Variants in NELL1 observed in about 807,000 individuals in gnomAD.
The protein encoded by NELL1 is neural EGFL like 1, also known as protein kinase C-binding protein NELL1.
NELL1 carries 76 observed loss-of-function variants against 107.4 expected under a neutral mutation model. The ratio of observed to expected loss-of-function variants is 0.71; its 90% CI spans 0.59 to 0.86. The LOEUF is 0.86. NELL1 is among the 40% of genes least tolerant of loss of function. The pLI is 0.00. For missense variants in NELL1, 1,024 were observed against 1,005.5 expected (o/e 1.02, Z -0.25); for synonymous variants, 353 against 341.2 (o/e 1.03, Z -0.38).
At chr11:21,282,372 G>A (rs115847346) in intron 14 of NELL1, among the ~76,000 whole-genome samples, 2,533 of 150,608 alleles carry the variant, frequency 0.017, 82 homozygotes, top group African/African-American at 0.059. Context: ...TAGAAACAGC[G>A]TTTAGGCTGA....
At chr11:21,343,539 C>A (rs1850621357) in intron 14 of NELL1, among the ~76,000 whole-genome samples, 1 of 152,146 alleles carries the variant, frequency 6.6e-6, no homozygotes, top group Admixed American at 6.5e-5. Context: ...GCCTTCAAAT[C>A]ATCCATTAGT....
intron 16 of NELL1, among the ~76,000 whole-genome samples, chr11:21,554,838 A>G (rs554741473): frequency 5.3e-5 from 8 of 151,924 alleles, no homozygotes; most frequent in South Asian, 2.1e-4. Context: ...ACTTGTCCCT[A>G]TGGGGCTGGA....
chr11:21,480,123 A>G (rs548702310), intron 15 of NELL1, among the ~76,000 whole-genome samples: 3 of 152,248 alleles, frequency 2.0e-5, no homozygotes, highest in Non-Finnish European at 2.9e-5. Flanking sequence ...GTGTCTCTCA[A>G]ATTTAACTAG....
chr11:20,998,463 A>C (rs1306221251), intron 12 of NELL1, among the ~76,000 whole-genome samples: 1 of 152,082 alleles, frequency 6.6e-6, no homozygotes, highest in Non-Finnish European at 1.5e-5. Context: ...CTTAGTTTAC[A>C]ATTTTTTTTT....
chr11:20,796,969 G>A (rs1437800691), intron 3 of NELL1, among the ~76,000 whole-genome samples: 1 of 152,192 alleles, frequency 6.6e-6, no homozygotes. Flanking sequence ...GGTGAGAGAT[G>A]AGGGATGACA....
intron 3 of NELL1, among the ~76,000 whole-genome samples, chr11:20,843,073 C>T (rs191345320): frequency 1.1e-4 from 16 of 152,110 alleles, no homozygotes; most frequent in African/African-American, 3.6e-4. Flanking sequence ...TAGGATTTTC[C>T]AGGATTTGTG....
intron 12 of NELL1, among the ~76,000 whole-genome samples, chr11:21,095,660 G>C (rs1238660130): frequency 1.3e-5 from 2 of 151,830 alleles, no homozygotes; most frequent in Admixed American, 1.3e-4. Context: ...GCCCAGGCTG[G>C]AGTGCAATGG....
intron 17 of NELL1, among the ~76,000 whole-genome samples, chr11:21,560,638 A>T (rs1856826324): frequency 6.6e-6 from 1 of 152,194 alleles, no homozygotes; most frequent in Admixed American, 6.6e-5. Context: ...TAGAAAAGCC[A>T]ATGATAGTCC....
intron 15 of NELL1, among the ~76,000 whole-genome samples, chr11:21,485,575 C>A (rs553042254): frequency 6.6e-6 from 1 of 151,352 alleles, no homozygotes; most frequent in Non-Finnish European, 1.5e-5. Context: ...CCTCTGCTTG[C>A]GAGCTGCTGT....
At chr11:21,099,549 G>T (rs1156996647) in intron 12 of NELL1, among the ~76,000 whole-genome samples, 2 of 152,132 alleles carry the variant, frequency 1.3e-5, no homozygotes, top group East Asian at 3.9e-4. Context: ...CCAGTAACCT[G>T]TCAAGAATGG....
chr11:21,515,101 T>G (rs7938616), intron 15 of NELL1, among the ~76,000 whole-genome samples: 107,049 of 152,118 alleles, frequency 0.7, 37,832 homozygotes, highest in South Asian at 0.77. Context: ...TGACACAAAG[T>G]ACTTAATAAT....
intron 12 of NELL1, among the ~76,000 whole-genome samples, chr11:21,049,131 C>A (rs1014340841): frequency 2.0e-5 from 3 of 152,134 alleles, no homozygotes; most frequent in Non-Finnish European, 4.4e-5. Flanking sequence ...ATCAACCTGG[C>A]AGACGCTAGT....
intron 15 of NELL1, among the ~76,000 whole-genome samples, chr11:21,386,692 C>A (rs1851754362): frequency 6.6e-6 from 1 of 151,904 alleles, no homozygotes; most frequent in Non-Finnish European, 1.5e-5. Flanking sequence ...GCAAGGCTGA[C>A]ATTTTTCCAG....
chr11:21,394,462 G>A (rs11026064), intron 15 of NELL1, among the ~76,000 whole-genome samples: 44,521 of 151,236 alleles, frequency 0.29, 6,897 homozygotes, highest in Non-Finnish European at 0.34. Context: ...CCGTGTGTGT[G>A]TGTGTTCCAT....
At chr11:21,029,222 A>T (rs1852893418) in intron 12 of NELL1, among the ~76,000 whole-genome samples, 1 of 152,214 alleles carries the variant, frequency 6.6e-6, no homozygotes, top group East Asian at 1.9e-4. Context: ...GGACTCAAAT[A>T]CAGAAGTATG....
chr11:21,415,709 C>T (rs1393114566), intron 15 of NELL1, among the ~76,000 whole-genome samples: 1 of 151,940 alleles, frequency 6.6e-6, no homozygotes, highest in African/African-American at 2.4e-5. Flanking sequence ...AGGATTACAC[C>T]ATGTTTCCCT....
intron 14 of NELL1, among the ~76,000 whole-genome samples, chr11:21,302,233 G>T (rs1472567103): frequency 6.6e-6 from 1 of 152,016 alleles, no homozygotes; most frequent in East Asian, 1.9e-4. Flanking sequence ...TCAGATAGAA[G>T]CCCATCACAG....
chr11:21,039,830 A>G (rs1043037052), intron 12 of NELL1, among the ~76,000 whole-genome samples: 5 of 152,114 alleles, frequency 3.3e-5, no homozygotes, highest in Admixed American at 2.6e-4. Context: ...GAGCTGATAT[A>G]TATCTCTAAT....
intron 2 of NELL1, among the ~76,000 whole-genome samples, chr11:20,693,672 C>A (rs75805002): frequency 6.6e-6 from 1 of 151,930 alleles, no homozygotes; most frequent in Non-Finnish European, 1.5e-5. Context: ...GTCTGATGGG[C>A]TTCCCTTTGA....
Sources: gnomAD v4.1 joint callset for allele counts (sites outside exome capture counted in the v4.1 genomes callset) on GRCh38, gnomAD v4.1.1 for gene constraint, MANE v1.5 for transcripts, NCBI Gene and HGNC (gene_info 2026-07-23, HGNC 2026-07-21) for gene names.